The following CTNNA3 variants were observed in gnomAD, a reference collection of about 807,000 sequenced individuals.
The protein encoded by CTNNA3 is catenin alpha 3.
A neutral mutation model predicts 95.7 loss-of-function variants in CTNNA3; 76 were observed. The ratio of observed to expected loss-of-function variants is 0.79; its 90% CI spans 0.66 to 0.96. The LOEUF (loss-of-function observed/expected upper bound fraction) is 0.96. Ranked by LOEUF, CTNNA3 falls within the 40% of genes least tolerant of loss-of-function variation. CTNNA3 has a pLI of 0.00. For synonymous variants in CTNNA3, 431 were observed against 374.4 expected, an observed-to-expected ratio of 1.15 and a Z score of -1.74; for missense variants, 1,191 against 1,089.8, an observed-to-expected ratio of 1.09 and a Z score of -1.31.
Position 66,540,533 on chromosome 10 carries a change from C to T in CTNNA3, c.1375-19760G>A, listed in dbSNP as rs539036717. ...AACTGAAAGCTCTTAGCCTGGATGT[C>T]CTGAAGTGCAGAAATAAAGTTGAGC... is the stretch of plus-strand genomic sequence containing the variant. On this transcript the variant is annotated intron_variant, in intron 10 of 17. Coordinates refer to ENST00000433211, the MANE Select transcript of CTNNA3 (RefSeq NM_013266.4). 2.0e-5 allele frequency among the ~76,000 whole-genome samples: 3 copies of T among 152,200 alleles called. No homozygotes were observed. In the East Asian group the frequency reaches 5.8e-4, roughly 29 times the overall value.
intron 5 of CTNNA3, among the ~76,000 whole-genome samples, chr10:67,330,557 G>A (rs964849487): frequency 6.6e-6 from 1 of 152,072 alleles, no homozygotes; most frequent in African/African-American, 2.4e-5. Flanking sequence ...CTTAACTACA[G>A]GCTTAATAGC....
rs183842006 is a variant in CTNNA3 at position 67,636,569 on chromosome 10, A to G, written c.99+10846T>C. On this transcript the variant is annotated intron_variant, in intron 2 of 17. Coordinates refer to ENST00000433211, the MANE Select transcript of CTNNA3 (RefSeq NM_013266.4). ...AACCTGACAAAAACAAGCAATGGGG[A>G]AAAGATTTCCTATTTAATAAATAGT... Among the ~76,000 whole-genome samples the G allele has an allele frequency of 2.0e-5, 3 of 152,318 alleles. No homozygotes were observed. In the East Asian group the frequency reaches 5.8e-4, roughly 29 times the overall value.
At chr10:66,772,666 C>T (rs377356069) in intron 8 of CTNNA3, among the ~76,000 whole-genome samples, 2 of 152,258 alleles carry the variant, frequency 1.3e-5, no homozygotes, top group Middle Eastern at 3.4e-3. Flanking sequence ...TAAATACTCT[C>T]GCCTCCTAGA....
intron 17 of CTNNA3, among the ~76,000 whole-genome samples, chr10:65,960,154 G>T (rs1049891705): frequency 2.0e-5 from 3 of 152,130 alleles, no homozygotes; most frequent in African/African-American, 7.2e-5. Flanking sequence ...TTATCAGCAA[G>T]AAATTCTTCA....
At chr10:67,525,607 T>C (rs896929948) in intron 4 of CTNNA3, among the ~76,000 whole-genome samples, 32 of 152,138 alleles carry the variant, frequency 2.1e-4, no homozygotes, top group African/African-American at 7.7e-4. Context: ...GTAAATTATG[T>C]AGATTTGTGG....
chr10:67,604,793 A>AGAT (rs1166839200), intron 3 of CTNNA3, among the ~76,000 whole-genome samples: 4 of 152,236 alleles, frequency 2.6e-5, no homozygotes, highest in Non-Finnish European at 5.9e-5. Flanking sequence ...TTGGTGACTA[A>AGAT]GATGATGATC....
At chr10:66,865,947 G>A (rs1844157857) in intron 7 of CTNNA3, among the ~76,000 whole-genome samples, 1 of 152,054 alleles carries the variant, frequency 6.6e-6, no homozygotes, top group Non-Finnish European at 1.5e-5. Flanking sequence ...GATTTGTAAT[G>A]TGTTAATTTT....
chr10:65,936,757 T>G lies in CTNNA3; in HGVS notation c.2401-16140A>C, dbSNP rs150252980. 7.0e-4 allele frequency among the ~76,000 whole-genome samples: 106 copies of G among 152,198 alleles called. 1 individual carries two copies. The highest frequency in any genetic ancestry group is 3.1e-3 in the East Asian group (16 of 5,176). On this transcript the variant is annotated intron_variant, in intron 17 of 17. Transcript: ENST00000433211. ...CACTTATTAAACAAGTGACCATGGA[T>G]GATTTATTTAACTTTTCTGGGCCTC... is the stretch of plus-strand genomic sequence containing the variant.
At chr10:66,136,726 A>G (rs924189284) in intron 13 of CTNNA3, among the ~76,000 whole-genome samples, 6 of 152,250 alleles carry the variant, frequency 3.9e-5, no homozygotes, top group Non-Finnish European at 8.8e-5. Context: ...ATTGTGTTGT[A>G]TTATCTCCAT....
intron 16 of CTNNA3, among the ~76,000 whole-genome samples, chr10:65,976,946 C>T (rs866973648): frequency 3.9e-5 from 6 of 152,002 alleles, no homozygotes; most frequent in South Asian, 2.1e-4. Context: ...TTGATTATTA[C>T]ATTGTATATC....
At chr10:66,208,750 GACGACCACCACC>G (rs2087925743) in intron 13 of CTNNA3, among the ~76,000 whole-genome samples, 1 of 151,866 alleles carries the variant, frequency 6.6e-6, no homozygotes, top group East Asian at 1.9e-4. Flanking sequence ...AATTAAACAT[GACGACCACCACC>G]AGCCCTCAGC....
chr10:67,573,048 C>G (rs1251768847), intron 3 of CTNNA3, among the ~76,000 whole-genome samples: 1 of 152,158 alleles, frequency 6.6e-6, no homozygotes, highest in Non-Finnish European at 1.5e-5. Flanking sequence ...GTGATTGTAC[C>G]ACTGTGCTCC....
At chr10:66,999,256 C>T (rs1321620212) in intron 7 of CTNNA3, among the ~76,000 whole-genome samples, 1 of 152,016 alleles carries the variant, frequency 6.6e-6, no homozygotes, top group Non-Finnish European at 1.5e-5. Context: ...GTTAAAAGAC[C>T]TGTGACTGAA....
intron 7 of CTNNA3, among the ~76,000 whole-genome samples, chr10:66,777,931 G>C (rs1266677204): frequency 6.6e-6 from 1 of 152,112 alleles, no homozygotes; most frequent in African/African-American, 2.4e-5. Context: ...CTCAGAGCTA[G>C]CAGCAGAAGC....
intron 13 of CTNNA3, among the ~76,000 whole-genome samples, chr10:66,196,603 G>T (rs1305726313): frequency 2.0e-5 from 3 of 152,108 alleles, no homozygotes; most frequent in African/African-American, 4.8e-5. Context: ...TCACTTTCAG[G>T]TTACATCACC....
intron 3 of CTNNA3, among the ~76,000 whole-genome samples, chr10:67,558,924 G>T (rs554553792): frequency 6.6e-6 from 1 of 152,310 alleles, no homozygotes; most frequent in East Asian, 1.9e-4. Flanking sequence ...AGGTGGCAGC[G>T]AGGCTGGGGG....
chr10:65,927,172 T>G (rs763823208), intron 17 of CTNNA3, among the ~76,000 whole-genome samples: 1 of 152,188 alleles, frequency 6.6e-6, no homozygotes, highest in Non-Finnish European at 1.5e-5. Flanking sequence ...TTTCACTGAT[T>G]TTTTAGTTAA....
intron 1 of CTNNA3, among the ~76,000 whole-genome samples, chr10:67,726,350 A>ATATAATATATGATAT (rs1564841022): frequency 2.3e-5 from 2 of 85,470 alleles, no homozygotes; most frequent in African/African-American, 5.4e-5. Context: ...ATAATATATG[A>ATATAATATATGATAT]TATATATGAT....
At chr10:67,138,938 A>T (rs1860418197) in intron 7 of CTNNA3, among the ~76,000 whole-genome samples, 1 of 152,194 alleles carries the variant, frequency 6.6e-6, no homozygotes, top group Non-Finnish European at 1.5e-5. Flanking sequence ...AGAAATGAGC[A>T]CGGATCTTAG....
Sources: gnomAD v4.1 joint callset for allele counts (sites outside exome capture counted in the v4.1 genomes callset) on GRCh38, gnomAD v4.1.1 for gene constraint, MANE v1.5 for transcripts, NCBI Gene and HGNC (gene_info 2026-07-23, HGNC 2026-07-21) for gene names.